PPP1R36: variants seen among roughly 807,000 people sequenced by gnomAD.
PPP1R36 encodes the protein chromosome 14 open reading frame 50.
In PPP1R36, 47 loss-of-function variants were observed where a neutral mutation model predicts 53.4. That is an observed-to-expected ratio of 0.88 (90% confidence interval 0.70 to 1.12). The LOEUF (loss-of-function observed/expected upper bound fraction) is 1.12, where lower values mean the gene tolerates loss of function less well. Ranked by LOEUF, PPP1R36 falls within the 50% of genes most tolerant of loss-of-function variation. The probability of loss-of-function intolerance (pLI) is 0.00; values close to 1 mark genes in which losing one functional copy is unlikely to be tolerated. For missense variants in PPP1R36, 456 were observed against 513.9 expected (o/e 0.89, Z 1.09); for synonymous variants, 153 against 170.5 (o/e 0.90, Z 0.80).
intron 8 of PPP1R36, among the ~76,000 whole-genome samples, chr14:64,585,204 C>T (rs2080421252): frequency 6.6e-6 from 1 of 152,118 alleles, no homozygotes; most frequent in Non-Finnish European, 1.5e-5. Context: ...CACAGTTCCT[C>T]CAAGGAAGGC....
chr14:64,555,688 C>T (rs1052199292), intron 3 of PPP1R36, among the ~76,000 whole-genome samples: 11 of 152,000 alleles, frequency 7.2e-5, no homozygotes, highest in African/African-American at 1.2e-4. Flanking sequence ...TAGCACCAGC[C>T]GCTGTACTGC....
intron 3 of PPP1R36, 82 bp downstream of exon 3, chr14:64,552,943 C>T: frequency 8.0e-7 from 1 of 1,253,520 alleles, no homozygotes; most frequent in Non-Finnish European, 1.1e-6. Context: ...TGTTAAAGCA[C>T]AAGAGAATGT....
chr14:64,572,454 A>C (rs1298669277), intron 7 of PPP1R36, among the ~76,000 whole-genome samples: 2 of 152,230 alleles, frequency 1.3e-5, no homozygotes, highest in African/African-American at 4.8e-5. Context: ...TGGTGCAAAC[A>C]GGCCACCTCT....
chr14:64,578,599 C>T (rs1357026349), intron 8 of PPP1R36, among the ~76,000 whole-genome samples: 1 of 152,132 alleles, frequency 6.6e-6, no homozygotes, highest in Non-Finnish European at 1.5e-5. Context: ...ATTAAAAAGT[C>T]AAAAAATAAC....
intron 3 of PPP1R36, among the ~76,000 whole-genome samples, chr14:64,561,104 G>A (rs975078905): frequency 6.6e-6 from 1 of 152,120 alleles, no homozygotes; most frequent in African/African-American, 2.4e-5. Context: ...GATCTCAGGG[G>A]CATCAAGTTT....
At chr14:64,582,756 A>G (rs10782452) in intron 8 of PPP1R36, among the ~76,000 whole-genome samples, 63,341 of 152,038 alleles carry the variant, frequency 0.42, 14,803 homozygotes, top group East Asian at 0.63. Context: ...TGGCTACTAG[A>G]AAATTTAAAA....
chr14:64,586,753 C>G, intron 8 of PPP1R36, 84 bp from the exon 9 acceptor site: 1 of 918,256 alleles, frequency 1.1e-6, no homozygotes, highest in East Asian at 2.5e-5. Context: ...GATAATGACC[C>G]TAACTTTAGA....
intron 8 of PPP1R36, among the ~76,000 whole-genome samples, chr14:64,575,849 A>C (rs2080337316): frequency 6.6e-6 from 1 of 151,668 alleles, no homozygotes; most frequent in African/African-American, 2.4e-5. Flanking sequence ...ACAGGGTTTC[A>C]CCATGTTAGC....
chr14:64,576,315 A>T (rs1012188483), intron 8 of PPP1R36, among the ~76,000 whole-genome samples: 66 of 150,722 alleles, frequency 4.4e-4, no homozygotes, highest in African/African-American at 1.6e-3. Context: ...TCCTGACCTC[A>T]GGTGATCCAC....
At chr14:64,589,004 A>T (rs747807232) in intron 11 of PPP1R36, 148 bp from the exon 12 acceptor site, 1 of 566,498 alleles carries the variant, frequency 1.8e-6, no homozygotes, top group Non-Finnish European at 3.0e-6. Context: ...GGAAACAGGG[A>T]AAGTTTTTAA....
chr14:64,584,789 G>T (rs1437873383), intron 8 of PPP1R36, among the ~76,000 whole-genome samples: 2 of 152,180 alleles, frequency 1.3e-5, no homozygotes, highest in Non-Finnish European at 2.9e-5. Flanking sequence ...CCATAGGGAT[G>T]TTATGAAGAC....
At chr14:64,571,617 C>T (rs1325416514) in intron 7 of PPP1R36, among the ~76,000 whole-genome samples, 1 of 152,130 alleles carries the variant, frequency 6.6e-6, no homozygotes, top group Non-Finnish European at 1.5e-5. Flanking sequence ...GTGGAAGACT[C>T]ACTCATAAGT....
intron 3 of PPP1R36, among the ~76,000 whole-genome samples, chr14:64,563,261 T>C (rs1369372245): frequency 6.6e-6 from 1 of 152,140 alleles, no homozygotes; most frequent in South Asian, 2.1e-4. Flanking sequence ...AGTCTCCACT[T>C]TCTGGGCTCA....
chr14:64,550,133 G>A, intron 1 of PPP1R36, 67 bp downstream of exon 1: 1 of 1,524,948 alleles, frequency 6.6e-7, no homozygotes, highest in Non-Finnish European at 8.9e-7. Flanking sequence ...GCCCCCAACC[G>A]GCGCCGCGCC....
intron 3 of PPP1R36, among the ~76,000 whole-genome samples, chr14:64,562,607 G>A (rs2080213872): frequency 6.6e-6 from 1 of 152,114 alleles, no homozygotes. Flanking sequence ...TCAGTGAAGT[G>A]AAAGCCATTC....
At chr14:64,569,960 A>G (rs1460526678) in intron 7 of PPP1R36, among the ~76,000 whole-genome samples, 2 of 151,636 alleles carry the variant, frequency 1.3e-5, no homozygotes, top group African/African-American at 2.4e-5. Context: ...TCTGGTCTCG[A>G]ACTCCTGACC....
rs1596750999 is a variant in PPP1R36 at position 64,586,848 on chromosome 14, C to A, written c.680C>A (p.Ser227Ter). The stretch of plus-strand genomic sequence containing the variant: ...TTGTTATATTACAGGGAGAAAATAT[C>A]AGATACACAGAAAGACTGGAAGTTC... Reference protein sequence around the residue: ...HHMCCGKEKISDTQKDWKFFE... With the variant: ...HHMCCGKEKI The change falls in exon 9 of 12, where the codon TCA becomes TAA. Residue 227 changes from serine to a stop codon, truncating the protein, a stop_gained. Transcript: ENST00000298705. LOFTEE classifies it high-confidence loss of function. 1 of 1,611,500 alleles carries A rather than the reference C, an allele frequency of 6.2e-7. No homozygotes were observed. Among genetic ancestry groups the A allele is most frequent in the Middle Eastern group, 1.7e-4 (1 of 6,054 alleles).
At chr14:64,587,448 CTTTTTTTTTTTTTTTT>C (rs10708900) in intron 10 of PPP1R36, 76 bp downstream of exon 10, 49 of 111,000 alleles carry the variant, frequency 4.4e-4, no homozygotes, top group Middle Eastern at 2.9e-3. Flanking sequence ...CTTTTTTCTC[CTTTTTTTTTTTTTTTT>C]TTTTTTTTTT....
intron 3 of PPP1R36, among the ~76,000 whole-genome samples, chr14:64,557,984 G>A (rs1377666610): frequency 1.7e-5 from 2 of 119,460 alleles, no homozygotes; most frequent in Non-Finnish European, 3.5e-5. Context: ...ACTCCAGCCT[G>A]GGTGAAAGAA....
Sources: allele counts gnomAD v4.1 joint callset (sites outside exome capture counted in the v4.1 genomes callset), GRCh38; gene constraint gnomAD v4.1.1; transcripts MANE v1.5; gene names NCBI Gene and HGNC (gene_info 2026-07-23, HGNC 2026-07-21).